Variants in LILRA6 observed in about 807,000 individuals in gnomAD.
The protein encoded by LILRA6 is leukocyte immunoglobulin like receptor A6.
Under a neutral mutation model 53.9 loss-of-function variants are expected in LILRA6, and 16 were observed. The observed-to-expected ratio is 0.30, with a 90% CI of 0.20 to 0.45. The LOEUF is 0.45. LILRA6 is among the 20% of genes least tolerant of loss of function. The probability of loss-of-function intolerance (pLI) is 1.00; values close to 1 mark genes in which losing one functional copy is unlikely to be tolerated. For missense variants in LILRA6, 306 were observed against 618.6 expected, an observed-to-expected ratio of 0.49 and a Z score of 5.36; for synonymous variants, 135 against 256.4, an observed-to-expected ratio of 0.53 and a Z score of 4.52.
At chr19:54,240,651 G>A in intron 5 of LILRA6, 75 bp from the exon 6 acceptor site, 2 of 1,558,796 alleles carry the variant, frequency 1.3e-6, no homozygotes. Context: ...CTCTCCCTGG[G>A]ACCCTCAGTG....
At chr19:54,242,293 T>G in exon 3 of LILRA6, 1 of 1,385,248 alleles carries the variant, frequency 7.2e-7, no homozygotes, top group Non-Finnish European at 9.8e-7. Flanking sequence ...GCCCAGAGGG[T>G]GGGTTTGGGG....
intron 7 of LILRA6, 68 bp from the exon 8 acceptor site, chr19:54,239,157 C>T (rs1295041424): frequency 1.3e-5 from 21 of 1,600,936 alleles, no homozygotes; most frequent in Non-Finnish European, 1.7e-5. Context: ...CCCCTGGATG[C>T]CCAACCCAGG....
rs375614452 is a variant in LILRA6, at chr19:54,239,081, C to T, written c.1318G>A (p.Ala440Thr). 41 of 1,611,148 alleles carry T rather than the reference C, an allele frequency of 2.5e-5. 1 individual carries two copies. Among genetic ancestry groups the T allele is most frequent in the African/African-American group, 1.6e-4 (12 of 73,142 alleles). Reference sequence around the variant, plus strand: ...AGATTCTCCACTGTGTAATCCTTGGCGTGTGAGGCTGGGGATGGTGGGCAA... The same window carrying T: ...AGATTCTCCACTGTGTAATCCTTGGTGTGTGAGGCTGGGGATGGTGGGCAA... Residue 440 changes from alanine to threonine, a missense_variant, in exon 8 of 8, where the codon GCC (alanine) becomes ACC (threonine). Coordinates refer to ENST00000396365, the Ensembl canonical transcript of LILRA6.
chr19:54,242,115 G>A, exon 3 of LILRA6: 1 of 1,393,212 alleles, frequency 7.2e-7, no homozygotes, highest in Non-Finnish European at 9.7e-7. Flanking sequence ...ATGGTGCTCT[G>A]TTATGGATGG....
At chr19:54,239,363 C>A in intron 7 of LILRA6, 1 of 890,834 alleles carries the variant, frequency 1.1e-6, no homozygotes, top group Non-Finnish European at 1.6e-6. Context: ...TACGGAGTTC[C>A]TCAATAAACC....
intron 7 of LILRA6, chr19:54,239,624 C>A: frequency 7.8e-7 from 1 of 1,289,064 alleles, no homozygotes; most frequent in Non-Finnish European, 1.1e-6. Context: ...GAGTCACTGG[C>A]CTGACCCTGG....
chr19:54,240,791 C>T (rs1286894728), intron 5 of LILRA6, 40 bp downstream of exon 5: 7 of 1,611,796 alleles, frequency 4.3e-6, no homozygotes, highest in Middle Eastern at 2.0e-4. Context: ...AGGGCCTGTG[C>T]AGAGCCTGGG....
chr19:54,242,790 T>C, exon 1 of LILRA6: 1 of 1,054,178 alleles, frequency 9.5e-7, no homozygotes, highest in East Asian at 2.5e-5. Flanking sequence ...TGCAGAGGGA[T>C]GAGCCCTCAG....
chr19:54,239,293 G>A, intron 7 of LILRA6: 1 of 1,457,906 alleles, frequency 6.9e-7, no homozygotes, highest in Non-Finnish European at 9.1e-7. Context: ...GGAGAGCCCT[G>A]AGCCAGCCTC....
chr19:54,238,569 G>T, exon 8 of LILRA6: 1 of 230,452 alleles, frequency 4.3e-6, no homozygotes, highest in Non-Finnish European at 8.3e-6. Flanking sequence ...GAACCTCCTG[G>T]GATCATCAGA....
In LILRA6 at chr19:54,239,043, G is replaced by A. The variant is rs560846364; in HGVS notation, c.1356C>T (p.Gly452=). Residue 452 remains glycine (G), a synonymous_variant, in exon 8 of 8, where the codon GGC becomes GGT. Coordinates refer to ENST00000396365, the Ensembl canonical transcript of LILRA6. ...GGAACACCAGGACCAAGCCTGCCAT[G>A]CCCATGCGGATGAGATTCTCCACTG... is the stretch of plus-strand genomic sequence containing the variant. 1.1e-4 allele frequency: 185 copies of A among 1,611,316 alleles called. 1 individual carries two copies. In the East Asian group the frequency reaches 2.0e-3, roughly 17 times the overall value.
exon 3 of LILRA6, chr19:54,242,166 T>C (rs766771677): frequency 7.1e-7 from 1 of 1,414,962 alleles, no homozygotes; most frequent in African/African-American, 1.7e-5. Flanking sequence ...CAGTGGGTTA[T>C]TTCTGTCCCA....
At chr19:54,238,793 A>G (rs1600975678) in exon 8 of LILRA6, 2 of 1,317,920 alleles carry the variant, frequency 1.5e-6, no homozygotes, top group Non-Finnish European at 2.0e-6. Flanking sequence ...TAAGGTGGAG[A>G]CCCAAAATTT....
downstream of LILRA6, chr19:54,238,336 A>G (rs1318294974): frequency 6.6e-6 from 1 of 150,976 alleles, no homozygotes; most frequent in African/African-American, 2.5e-5. Flanking sequence ...GCGCCCGGCC[A>G]TGTTTCTTCT....
chr19:54,239,473 C>T, intron 7 of LILRA6: 1 of 626,294 alleles, frequency 1.6e-6, no homozygotes. Flanking sequence ...GCCATTTCCT[C>T]CCTCCCATGG....
At chr19:54,238,292 T>G (rs1401478870), downstream of LILRA6, 1 of 150,926 alleles carries the variant, frequency 6.6e-6, no homozygotes, top group Non-Finnish European at 1.5e-5. Flanking sequence ...CGCCTCAGCC[T>G]CCCAAAGTGC....
chr19:54,242,213 C>T (rs771114551), exon 3 of LILRA6: 1 of 1,423,160 alleles, frequency 7.0e-7, no homozygotes, highest in Non-Finnish European at 9.5e-7. Flanking sequence ...GTCGGTACTC[C>T]TGGGCCTCCA....
exon 6 of LILRA6, chr19:54,240,323 G>A: frequency 1.2e-6 from 2 of 1,603,216 alleles, no homozygotes; most frequent in Middle Eastern, 1.7e-4. Context: ...GCAGGTGGGG[G>A]TTGGAGCTGT....
At chr19:54,241,830 G>C (rs2147540125) in exon 4 of LILRA6, 1 of 1,325,284 alleles carries the variant, frequency 7.5e-7, no homozygotes, top group East Asian at 2.3e-5. Flanking sequence ...CCCCCCTGAG[G>C]CCACCACAGG....
Sources: gnomAD v4.1 joint callset for allele counts on GRCh38, gnomAD v4.1.1 for gene constraint, MANE v1.5 for transcripts, NCBI Gene and HGNC (gene_info 2026-07-23, HGNC 2026-07-21) for gene names.